GABRP: variants seen among roughly 807,000 people sequenced by gnomAD.
GABRP encodes gamma-aminobutyric acid type A receptor subunit pi, also known as gamma-aminobutyric acid receptor subunit pi.
A neutral mutation model predicts 47.8 loss-of-function variants in GABRP; 52 were observed. The ratio of observed to expected loss-of-function variants is 1.09; its 90% CI spans 0.87 to 1.37. The LOEUF (loss-of-function observed/expected upper bound fraction) is 1.37, where lower values mean the gene tolerates loss of function less well. GABRP is among the 40% of genes most tolerant of loss of function. The pLI, the probability that GABRP is intolerant of heterozygous loss-of-function variation, is 0.00. For synonymous variants in GABRP, 221 were observed against 205.8 expected, an observed-to-expected ratio of 1.07 and a Z score of -0.63; for missense variants, 525 against 542.8, an observed-to-expected ratio of 0.97 and a Z score of 0.33.
At chr5:170,806,921 A>T (rs934145189) in intron 7 of GABRP, among the ~76,000 whole-genome samples, 3 of 151,318 alleles carry the variant, frequency 2.0e-5, no homozygotes, top group Non-Finnish European at 2.9e-5. Flanking sequence ...TTTTTCTTTT[A>T]TCTATTTACT....
At position 170,812,207 on chromosome 5, in the gene GABRP, G is replaced by A; in HGVS notation, c.1272G>A (p.Leu424=). 6.2e-7 allele frequency: 1 copy of A among 1,613,862 alleles called. No individual in the cohort carries two copies. Among genetic ancestry groups the A allele is most frequent in the East Asian group, 2.2e-5 (1 of 44,872 alleles). The change falls in exon 10 of 10, where the codon TTG becomes TTA. Residue 424 remains leucine (L), a synonymous_variant. Coordinates refer to ENST00000265294, the MANE Select transcript of GABRP (RefSeq NM_014211.3). ...ACTATTCCAAACTACTGTTTCCTTTGATTTTTATGCTAGCCAATGTATTTT... is the reference window on the plus strand; with the variant it reads ...ACTATTCCAAACTACTGTTTCCTTTAATTTTTATGCTAGCCAATGTATTTT... ...VDHYSKLLFP[L]IFMLANVFYW... is the part of the protein sequence containing the mutation.
chr5:170,795,256 C>G lies in GABRP; in HGVS notation c.289C>G (p.Leu97Val). The change falls in exon 5 of 10, where the codon CTG becomes GTG. Residue 97 changes from leucine (L) to valine (V), a missense_variant. Coordinates refer to ENST00000265294, the MANE Select transcript of GABRP (RefSeq NM_014211.3). ...CCGACAGCGCTGGATGGACCAGCGG[C>G]TGGTGTTTGAAGGCAACAAGAGCTT... is the stretch of plus-strand genomic sequence containing the variant. ...YLRQRWMDQR[L>V]VFEGNKSFTL... The G allele has an allele frequency of 6.2e-7, 1 of 1,613,688 alleles. No homozygotes were observed. Among genetic ancestry groups the G allele is most frequent in the Non-Finnish European group, 8.5e-7 (1 of 1,179,932 alleles).
chr5:170,791,095 A>G (rs776267108), intron 3 of GABRP, among the ~76,000 whole-genome samples: 1 of 152,086 alleles, frequency 6.6e-6, no homozygotes, highest in East Asian at 1.9e-4. Context: ...CCAAACCCCA[A>G]ACAATTAAGT....
At chr5:170,785,846 T>C (rs986857124) in intron 1 of GABRP, among the ~76,000 whole-genome samples, 2 of 152,206 alleles carry the variant, frequency 1.3e-5, no homozygotes, top group African/African-American at 2.4e-5. Flanking sequence ...CTGATAAGCA[T>C]GTGGGAGAGA....
chr5:170,789,065 G>C (rs1015041737), intron 2 of GABRP, 64 bp from the exon 3 acceptor site: 3 of 1,261,900 alleles, frequency 2.4e-6, no homozygotes, highest in Non-Finnish European at 3.5e-6. Flanking sequence ...CAAGCTCAAG[G>C]GTGTGTACAC....
chr5:170,798,086 A>G lies in GABRP; in HGVS notation c.541+538A>G, dbSNP rs180874515. ...AGACGGAGTCTCGCTCTGTCGCCCA[A>G]GCTGGACTGTGGTGGCGCGATCTCG... On this transcript the variant is annotated intron_variant, in intron 6 of 9. Coordinates refer to ENST00000265294, the MANE Select transcript of GABRP (RefSeq NM_014211.3). Among the ~76,000 whole-genome samples, 355 of 152,298 alleles carry G rather than the reference A, an allele frequency of 2.3e-3. 2 individuals carry two copies. The highest frequency in any genetic ancestry group is 8.0e-3 in the African/African-American group (333 of 41,568).
upstream of GABRP, chr5:170,783,568 A>G (rs1765056448): frequency 6.6e-6 from 1 of 152,192 alleles, no homozygotes; most frequent in Non-Finnish European, 1.5e-5. Flanking sequence ...GGCAGTAGCT[A>G]TAGCAGGAGC....
chr5:170,786,153 T>C (rs1376025172), intron 1 of GABRP, among the ~76,000 whole-genome samples: 4 of 152,128 alleles, frequency 2.6e-5, no homozygotes, highest in African/African-American at 7.2e-5. Context: ...AGAAGCTCAA[T>C]AAACCTGTGG....
chr5:170,794,570 G>GAGA (rs2127255199), intron 4 of GABRP, among the ~76,000 whole-genome samples: 1 of 152,154 alleles, frequency 6.6e-6, no homozygotes, highest in African/African-American at 2.4e-5. Flanking sequence ...GCCAGAAGGA[G>GAGA]AGAAACCAGG....
chr5:170,812,229 T>C lies in GABRP; in HGVS notation c.1294T>C (p.Phe432Leu), dbSNP rs548883351. The C allele has an allele frequency of 1.2e-6, 2 of 1,613,522 alleles. No homozygotes were observed. The highest frequency in any genetic ancestry group is 2.2e-5 in the South Asian group (2 of 91,068). ...TTTGATTTTTATGCTAGCCAATGTA[T>C]TTTACTGGGCATACTACATGTATTT... is the stretch of plus-strand genomic sequence containing the variant. The part of the protein sequence containing the change: ...FPLIFMLANV[F>L]YWAYYMYF Residue 432 changes from phenylalanine to leucine, a missense_variant, in exon 10 of 10, where the codon TTT becomes CTT. Physicochemically the swap from Phe to Leu is conservative, Grantham distance 22. Transcript: ENST00000265294.
At chr5:170,801,024 C>T (rs898461652) in intron 6 of GABRP, among the ~76,000 whole-genome samples, 3 of 152,150 alleles carry the variant, frequency 2.0e-5, no homozygotes, top group African/African-American at 7.2e-5. Flanking sequence ...TTACTTAATC[C>T]ATGTCTGTCA....
intron 1 of GABRP, among the ~76,000 whole-genome samples, chr5:170,785,405 A>C (rs2127246837): frequency 6.6e-6 from 1 of 152,374 alleles, no homozygotes; most frequent in African/African-American, 2.4e-5. Flanking sequence ...GCCAGCAGCC[A>C]TGAGAATTAA....
At chr5:170,805,487 A>T (rs1356688083) in intron 6 of GABRP, among the ~76,000 whole-genome samples, 1 of 152,230 alleles carries the variant, frequency 6.6e-6, no homozygotes, top group African/African-American at 2.4e-5. Context: ...AGTACCTAAC[A>T]CAAGACCAGC....
At chr5:170,784,616 G>T (rs1339255137) in intron 1 of GABRP, among the ~76,000 whole-genome samples, 2 of 152,128 alleles carry the variant, frequency 1.3e-5, no homozygotes, top group African/African-American at 4.8e-5. Context: ...TGGCACCTGG[G>T]GTGTATATAG....
At chr5:170,798,708 T>G (rs537304576) in intron 6 of GABRP, among the ~76,000 whole-genome samples, 29 of 152,264 alleles carry the variant, frequency 1.9e-4, no homozygotes, top group African/African-American at 6.7e-4. Context: ...TACTCATCAT[T>G]TGTCAGCAAA....
intron 9 of GABRP, among the ~76,000 whole-genome samples, chr5:170,810,261 A>G (rs1765847043): frequency 6.6e-6 from 1 of 151,200 alleles, no homozygotes; most frequent in African/African-American, 2.4e-5. Flanking sequence ...GCAATGGAAC[A>G]CTATAGTCCA....
chr5:170,809,241 G>A (rs1449914580), intron 8 of GABRP, among the ~76,000 whole-genome samples: 8 of 152,126 alleles, frequency 5.3e-5, no homozygotes. Context: ...CCTGCCAGGA[G>A]TGGTGCATTT....
chr5:170,784,641 T>G (rs1765082310), intron 1 of GABRP, among the ~76,000 whole-genome samples: 1 of 152,150 alleles, frequency 6.6e-6, no homozygotes, highest in African/African-American at 2.4e-5. Context: ...AGAAAGAGCT[T>G]GAGATTTGGG....
At chr5:170,785,611 G>A (rs145696592) in intron 1 of GABRP, among the ~76,000 whole-genome samples, 1 of 152,338 alleles carries the variant, frequency 6.6e-6, no homozygotes, top group African/African-American at 2.4e-5. Context: ...AGGCTGAGAG[G>A]CCCAGGGCCA....
Sources: allele counts gnomAD v4.1 joint callset (sites outside exome capture counted in the v4.1 genomes callset), GRCh38; gene constraint gnomAD v4.1.1; transcripts MANE v1.5; gene names NCBI Gene and HGNC (gene_info 2026-07-23, HGNC 2026-07-21).